CADPS2: variants seen among roughly 807,000 people sequenced by gnomAD.
The protein encoded by CADPS2 is calcium dependent secretion activator 2, also known as calcium-dependent secretion activator 2.
A neutral mutation model predicts 172.5 loss-of-function variants in CADPS2; 93 were observed. The ratio of observed to expected loss-of-function variants is 0.54; its 90% CI spans 0.46 to 0.64. The LOEUF is 0.64. CADPS2 is among the 30% of genes least tolerant of loss of function. The pLI is 0.00. For synonymous variants in CADPS2, 546 were observed against 555.2 expected (o/e 0.98, Z 0.23); for missense variants, 1,420 against 1,565.9 (o/e 0.91, Z 1.57).
intron 2 of CADPS2, among the ~76,000 whole-genome samples, chr7:122,733,474 T>C (rs1588861999): frequency 7.9e-6 from 1 of 126,964 alleles, no homozygotes; most frequent in South Asian, 2.5e-4. Context: ...GGTTCTCAAA[T>C]GACAATGTGA....
chr7:122,330,177 G>A (rs1404741651), intron 28 of CADPS2, among the ~76,000 whole-genome samples: 1 of 152,166 alleles, frequency 6.6e-6, no homozygotes, highest in African/African-American at 2.4e-5. Flanking sequence ...CAAGAGTTGA[G>A]TCATTGTGTT....
intron 1 of CADPS2, among the ~76,000 whole-genome samples, chr7:122,793,798 C>A (rs931402112): frequency 3.9e-5 from 6 of 152,138 alleles, no homozygotes; most frequent in African/African-American, 1.4e-4. Context: ...GTGCTTCCTT[C>A]AGGAGCTCTT....
At position 122,698,526 on chromosome 7, in the gene CADPS2, G is replaced by A. The variant is rs749849230; in HGVS notation, c.454-34957C>T. ...ACACCTGGTTGCCAGTACCTGGAAC[G>A]TTATAGATGATCACTCCACTGGCTC... On this transcript the variant is annotated intron_variant, in intron 2 of 29. Transcript: ENST00000449022. The A allele has an allele frequency of 8.1e-6, 13 of 1,614,006 alleles. No individual in the cohort carries two copies. In the Admixed American group the frequency reaches 8.3e-5, roughly 10 times the overall value.
At chr7:122,430,093 C>T (rs1424401998) in intron 17 of CADPS2, among the ~76,000 whole-genome samples, 7 of 152,106 alleles carry the variant, frequency 4.6e-5, no homozygotes, top group South Asian at 2.1e-4. Context: ...AGCATCTCTA[C>T]CCCATTCAAC....
intron 17 of CADPS2, among the ~76,000 whole-genome samples, chr7:122,428,432 C>T (rs1248464823): frequency 2.7e-5 from 4 of 149,432 alleles, no homozygotes; most frequent in African/African-American, 9.8e-5. Flanking sequence ...TATGTGTATA[C>T]CTATACATAT....
intron 1 of CADPS2, among the ~76,000 whole-genome samples, chr7:122,759,398 A>G (rs2093297296): frequency 6.6e-6 from 1 of 152,208 alleles, no homozygotes; most frequent in Non-Finnish European, 1.5e-5. Context: ...TAGGAAAGAA[A>G]TCAAAGACTG....
At chr7:122,509,270 G>A (rs1423498680) in intron 9 of CADPS2, among the ~76,000 whole-genome samples, 2 of 152,124 alleles carry the variant, frequency 1.3e-5, no homozygotes, top group African/African-American at 4.8e-5. Flanking sequence ...CTAACAGAGT[G>A]CCTCTCATAC....
At chr7:122,808,034 A>G (rs532869602) in intron 1 of CADPS2, among the ~76,000 whole-genome samples, 37 of 152,318 alleles carry the variant, frequency 2.4e-4, no homozygotes, top group African/African-American at 8.4e-4. Flanking sequence ...CTTCCAACAT[A>G]TTCTGAAGCC....
chr7:122,652,240 T>TCC (rs1284258655), intron 3 of CADPS2, among the ~76,000 whole-genome samples: 6 of 152,180 alleles, frequency 3.9e-5, no homozygotes, highest in Non-Finnish European at 8.8e-5. Flanking sequence ...GAAAACTCTC[T>TCC]CTCTCTCTCT....
At chr7:122,702,180 T>A in intron 2 of CADPS2, 1 of 1,613,706 alleles carries the variant, frequency 6.2e-7, no homozygotes, top group Non-Finnish European at 8.5e-7. Context: ...AGATACATGA[T>A]GTAATGGCTC....
At chr7:122,643,224 C>T (rs1178357839) in intron 3 of CADPS2, among the ~76,000 whole-genome samples, 1 of 152,146 alleles carries the variant, frequency 6.6e-6, no homozygotes, top group Non-Finnish European at 1.5e-5. Context: ...AACACGGCCT[C>T]AAAACAATGG....
intron 17 of CADPS2, among the ~76,000 whole-genome samples, chr7:122,432,643 TAA>T (rs57311950): frequency 0.021 from 2,286 of 108,554 alleles, 54 homozygotes; most frequent in African/African-American, 0.074. Flanking sequence ...TCTGTTAAAA[TAA>T]AAAAAAAAAA....
intron 1 of CADPS2, among the ~76,000 whole-genome samples, chr7:122,862,900 A>C (rs1817327210): frequency 6.6e-6 from 1 of 152,232 alleles, no homozygotes; most frequent in Admixed American, 6.5e-5. Flanking sequence ...ACTAGTCAAG[A>C]AGATAAAGTA....
Position 122,663,436 on chromosome 7 carries a change from T to C in CADPS2, c.587A>G (p.Lys196Arg). 6.2e-7 allele frequency: 1 copy of C among 1,614,002 alleles called. No homozygotes were observed. Residue 196 changes from lysine (K) to arginine (R), a missense_variant, in exon 3 of 30, where the codon AAA becomes AGA. Physicochemically the swap from Lys to Arg is conservative, Grantham distance 26. Transcript: ENST00000449022. Reference sequence around the variant, plus strand: ...TATCCATGAGCTCAACACTGTCTCTTTGCTCAAGCCATCTATTTCTGGCAA... The same window carrying C: ...TATCCATGAGCTCAACACTGTCTCTCTGCTCAAGCCATCTATTTCTGGCAA... Reference protein sequence around the residue: ...RSLPEIDGLSKETVLSSWIAK... With the variant: ...RSLPEIDGLSRETVLSSWIAK...
chr7:122,749,971 A>G (rs899040179), intron 1 of CADPS2, among the ~76,000 whole-genome samples: 18 of 151,964 alleles, frequency 1.2e-4, no homozygotes, highest in Non-Finnish European at 2.4e-4. Flanking sequence ...TAAAAAAAAA[A>G]AAAAAGAAAA....
At chr7:122,675,822 G>A (rs979741953) in intron 2 of CADPS2, among the ~76,000 whole-genome samples, 18 of 151,960 alleles carry the variant, frequency 1.2e-4, no homozygotes, top group Non-Finnish European at 7.4e-5. Flanking sequence ...CCTGTTGGGG[G>A]CGCTGGGGGT....
intron 27 of CADPS2, among the ~76,000 whole-genome samples, chr7:122,359,609 G>C (rs2039874570): frequency 6.6e-6 from 1 of 152,054 alleles, no homozygotes; most frequent in Non-Finnish European, 1.5e-5. Context: ...AAGATTATTT[G>C]TGCCTTCCTT....
intron 3 of CADPS2, among the ~76,000 whole-genome samples, chr7:122,637,758 T>C (rs1037259517): frequency 6.6e-6 from 1 of 152,208 alleles, no homozygotes; most frequent in African/African-American, 2.4e-5. Context: ...TGCCAGCGTT[T>C]CTTGCACTGA....
intron 17 of CADPS2, chr7:122,427,034 AG>A (rs2049250477): frequency 6.6e-6 from 1 of 152,232 alleles, no homozygotes; most frequent in Non-Finnish European, 1.5e-5. Flanking sequence ...GAAAGATTCT[AG>A]CAAGAGCTGT....
Sources: allele counts gnomAD v4.1 joint callset (sites outside exome capture counted in the v4.1 genomes callset), GRCh38; gene constraint gnomAD v4.1.1; transcripts MANE v1.5; gene names NCBI Gene and HGNC (gene_info 2026-07-23, HGNC 2026-07-21).